LRP1: variants seen among roughly 807,000 people sequenced by gnomAD.
LRP1 encodes the protein prolow-density lipoprotein receptor-related protein 1.
In LRP1, 51 loss-of-function variants were observed where a neutral mutation model predicts 541.5. The observed-to-expected ratio is 0.09, with a 90% CI of 0.08 to 0.12. The LOEUF is 0.12. LRP1 is among the 10% of genes least tolerant of loss of function. The pLI is 1.00. For missense variants in LRP1, 3,878 were observed against 6,376.2 expected (o/e 0.61, Z 13.34); for synonymous variants, 2,219 against 2,470.8 (o/e 0.90, Z 3.02).
intron 30 of LRP1, 24 bp from the exon 31 acceptor site, chr12:57,180,023 T>C: frequency 6.2e-7 from 1 of 1,613,440 alleles, no homozygotes; most frequent in Non-Finnish European, 8.5e-7. Context: ...CCCTGACCTT[T>C]CCCTCTTGGC....
Position 57,175,977 on chromosome 12 carries a change from G to T in LRP1, c.3862G>T (p.Asp1288Tyr). The change falls in exon 24 of 89, where the codon GAC becomes TAC. Residue 1288 changes from aspartate to tyrosine, a missense_variant. Around this residue, in one of 13 missense-constraint regions of LRP1, gnomAD observed 320 missense variants for 547.9 expected, o/e 0.58. Transcript: ENST00000243077. ...CCGGCGCATCGATCTTCACAAAGGAGACTACAGCGTCCTGGTGCCCGGCCT... is the reference window on the plus strand; with the variant it reads ...CCGGCGCATCGATCTTCACAAAGGATACTACAGCGTCCTGGTGCCCGGCCT... ...EIRRIDLHKG[D>Y]YSVLVPGLRN... is the part of the protein sequence containing the mutation. The T allele has an allele frequency of 4.3e-6, 7 of 1,614,242 alleles. No homozygotes were observed. The highest frequency in any genetic ancestry group is 5.9e-6 in the Non-Finnish European group (7 of 1,180,046).
intron 79 of LRP1, 81 bp downstream of exon 79, chr12:57,209,280 C>T: frequency 9.3e-7 from 1 of 1,080,456 alleles, no homozygotes; most frequent in Non-Finnish European, 1.4e-6. Flanking sequence ...GGCCTCACTT[C>T]AATGCCTCCC....
rs1022211497 is a variant in LRP1, at chr12:57,178,315, G to A, written c.4362-44G>A. On this transcript the variant is annotated intron_variant, in intron 26 of 88. Coordinates refer to ENST00000243077, the MANE Select transcript of LRP1 (RefSeq NM_002332.3). The surrounding 1 kb of genome is among the most constrained non-coding windows in gnomAD (Gnocchi z 5.8). ...GCACCTGGGCAGAGCTCTGAGGGCT[G>A]AGATCCCAGCTGGCATCCTCATTCT... 1 of 1,586,178 alleles carries A rather than the reference G, an allele frequency of 6.3e-7. No homozygotes were observed. Among genetic ancestry groups the A allele is most frequent in the Non-Finnish European group, 8.6e-7 (1 of 1,164,058 alleles).
In LRP1 at chr12:57,208,229, C is replaced by CCTG; in HGVS notation, c.12038+14_12038+16dup. 1.2e-6 allele frequency: 2 copies of CCTG among 1,610,956 alleles called. No homozygotes were observed. The highest frequency in any genetic ancestry group is 1.7e-6 in the Non-Finnish European group (2 of 1,178,598). On this transcript the variant is annotated intron_variant, in intron 77 of 88. Transcript: ENST00000243077. ...ACCCACTGAGGGGGTGGGCAAGGGC[C>CCTG]CTGGGGGGAGGCCTCTGGGCTGGTG...
At position 57,177,231 on chromosome 12, in the gene LRP1, G is replaced by A; in HGVS notation, c.4182G>A (p.Leu1394=). The A allele has an allele frequency of 1.2e-6, 2 of 1,614,092 alleles. No homozygotes were observed. The highest frequency in any genetic ancestry group is 2.2e-5 in the East Asian group (1 of 44,882). ...TTGAGCACCCAAGGGCAATCGCACT[G>A]GATCCCCGGGATGGGTGAGGACCTT... ...GDIEHPRAIA[L]DPRDGILFWT... The change falls in exon 25 of 89, where the codon CTG becomes CTA. Residue 1394 remains leucine (L), a synonymous_variant. Coordinates refer to ENST00000243077, the MANE Select transcript of LRP1 (RefSeq NM_002332.3). This position sits in a 1 kb window ranked among gnomAD's most constrained non-coding sequence, Gnocchi z 6.8.
At position 57,178,246 on chromosome 12, in the gene LRP1, C is replaced by T; in HGVS notation, c.4362-113C>T. ...CAAGGCTTAGGGGAGGGAATGGTCC[C>T]ATGCTCTTCGCTGGGAGGGCTGTGG... On this transcript the variant is annotated intron_variant, in intron 26 of 88. Transcript: ENST00000243077. The surrounding 1 kb of genome is among the most constrained non-coding windows in gnomAD (Gnocchi z 5.8). 2 of 1,290,330 alleles carry T rather than the reference C, an allele frequency of 1.5e-6. No individual in the cohort carries two copies. Among genetic ancestry groups the T allele is most frequent in the Non-Finnish European group, 2.2e-6 (2 of 929,840 alleles). The allele number at this position is 1,290,330 out of a possible 1,614,324, so 79.9% of individuals were successfully genotyped here. A position where few individuals can be genotyped will look rare whatever the true frequency, so the allele number is the denominator to read the frequency against.
Position 57,208,973 on chromosome 12 carries a change from G to A in LRP1, c.12146-110G>A, listed in dbSNP as rs1297119708. On this transcript the variant is annotated intron_variant, in intron 78 of 88. Coordinates refer to ENST00000243077, the MANE Select transcript of LRP1 (RefSeq NM_002332.3). The stretch of plus-strand genomic sequence containing the variant: ...GAGGCTTTTCCCGAAAGAGGTGACT[G>A]TGAGTGGCGTATGAACAGGGTGGAG... The A allele has an allele frequency of 2.8e-6, 3 of 1,066,596 alleles. No homozygotes were observed. The African/African-American group carries it at 4.7e-5, about 17-fold the overall frequency. The allele number at this position is 1,066,596 out of a possible 1,614,324, so 66.1% of individuals were successfully genotyped here.
At position 57,204,724 on chromosome 12, in the gene LRP1, G is replaced by A. The variant is rs773376517; in HGVS notation, c.11169G>A (p.Gly3723=). 6.8e-6 allele frequency: 11 copies of A among 1,613,952 alleles called. No homozygotes were observed. Among genetic ancestry groups the A allele is most frequent in the Non-Finnish European group, 9.3e-6 (11 of 1,180,016 alleles). The change falls in exon 72 of 89, where the codon GGG becomes GGA. Residue 3723 remains glycine (G), a synonymous_variant. Coordinates refer to ENST00000243077, the MANE Select transcript of LRP1 (RefSeq NM_002332.3). This position sits in a 1 kb window ranked among gnomAD's most constrained non-coding sequence, Gnocchi z 5.3. The part of the protein sequence containing the change: ...GRQCDGTDNC[G]DGTDEEDCEP... ...AATGCGATGGCACGGACAACTGTGGGGATGGGACTGATGAAGAGGACTGTG... is the reference window on the plus strand; with the variant it reads ...AATGCGATGGCACGGACAACTGTGGAGATGGGACTGATGAAGAGGACTGTG...
intron 3 of LRP1, 110 bp downstream of exon 3, chr12:57,141,621 C>G: frequency 7.3e-7 from 1 of 1,372,444 alleles, no homozygotes; most frequent in South Asian, 1.3e-5. Context: ...TGTCCTGGTC[C>G]CCTGCCTAGA....
In LRP1 at chr12:57,154,143, A is replaced by G; in HGVS notation, c.842-65A>G. The G allele has an allele frequency of 6.6e-7, 1 of 1,507,248 alleles. No homozygotes were observed. Among genetic ancestry groups the G allele is most frequent in the Non-Finnish European group, 9.1e-7 (1 of 1,097,640 alleles). The allele number at this position is 1,507,248 out of a possible 1,614,324, so 93.4% of individuals were successfully genotyped here. Reference sequence around the variant, plus strand: ...CTTCCAGGTGTGGGTTCTCACCAGCAAAGGGTGGGCATCTCTGCAAGAGGG... The same window carrying G: ...CTTCCAGGTGTGGGTTCTCACCAGCGAAGGGTGGGCATCTCTGCAAGAGGG... On this transcript the variant is annotated intron_variant, in intron 6 of 88. Coordinates refer to ENST00000243077, the MANE Select transcript of LRP1 (RefSeq NM_002332.3). This position sits in a 1 kb window ranked among gnomAD's most constrained non-coding sequence, Gnocchi z 4.6.
At position 57,185,209 on chromosome 12, in the gene LRP1, A is replaced by G; in HGVS notation, c.6463+4A>G. ...TTCAACCGGGACCGGCAGAAAGGTG[A>G]GGCTGGGGCTCTGGGCTGGGGTGGA... On this transcript the variant is annotated splice_donor_region_variant and intron_variant, in intron 40 of 88. Coordinates refer to ENST00000243077, the MANE Select transcript of LRP1 (RefSeq NM_002332.3). The surrounding 1 kb of genome is among the most constrained non-coding windows in gnomAD (Gnocchi z 4.9). 1 of 1,614,034 alleles carries G rather than the reference A, an allele frequency of 6.2e-7. No individual in the cohort carries two copies. Among genetic ancestry groups the G allele is most frequent in the Non-Finnish European group, 8.5e-7 (1 of 1,179,976 alleles).
intron 42 of LRP1, among the ~76,000 whole-genome samples, chr12:57,190,483 A>AAC (rs2036355441): frequency 6.6e-6 from 1 of 152,206 alleles, no homozygotes; most frequent in African/African-American, 2.4e-5. Context: ...TGGGTGGTGG[A>AAC]GCCAGGGCTG....
intron 1 of LRP1, among the ~76,000 whole-genome samples, chr12:57,131,434 C>T (rs2035037615): frequency 1.3e-5 from 2 of 152,172 alleles, no homozygotes; most frequent in East Asian, 1.9e-4. Context: ...CAGACAAATA[C>T]AGCTCACAGA....
Position 57,212,296 on chromosome 12 carries a change from A to G in LRP1, c.13494+35A>G. 2 of 1,612,104 alleles carry G rather than the reference A, an allele frequency of 1.2e-6. No individual in the cohort carries two copies. The highest frequency in any genetic ancestry group is 1.7e-6 in the Non-Finnish European group (2 of 1,178,886). On this transcript the variant is annotated intron_variant, in intron 88 of 88. Coordinates refer to ENST00000243077, the MANE Select transcript of LRP1 (RefSeq NM_002332.3). The surrounding 1 kb of genome is among the most constrained non-coding windows in gnomAD (Gnocchi z 5.0). ...GAGGCGGGCAGGGTCGAGTGCCAAG[A>G]GGCCGTGGGTGGCCTAACCAAAGGT...
intron 20 of LRP1, among the ~76,000 whole-genome samples, chr12:57,171,382 C>T (rs1448939167): frequency 6.6e-6 from 1 of 152,046 alleles, no homozygotes; most frequent in Non-Finnish European, 1.5e-5. Flanking sequence ...TGGCATGGTC[C>T]GGAGAATGCT....
At chr12:57,191,909 C>CA (rs1256279319) in intron 44 of LRP1, among the ~76,000 whole-genome samples, 2 of 980 alleles carry the variant, frequency 2.0e-3, no homozygotes, top group African/African-American at 6.7e-3. Context: ...CATACACACA[C>CA]CACCACACAC....
rs1381865266 is a variant in LRP1 at position 57,162,448 on chromosome 12, T to C, written c.2334T>C (p.Thr778=). ...GGGGTGTAGGAGGCGCACCCCCCAC[T>C]GTGACCCTTCTGCGCAGTGAGCGGC... ...LERGVGGAPP[T]VTLLRSERPP... is the part of the protein sequence containing the mutation. Residue 778 remains threonine, a synonymous_variant, in exon 14 of 89, where the codon ACT becomes ACC. Coordinates refer to ENST00000243077, the MANE Select transcript of LRP1 (RefSeq NM_002332.3). The surrounding 1 kb of genome is among the most constrained non-coding windows in gnomAD (Gnocchi z 5.2). The C allele has an allele frequency of 1.4e-5, 22 of 1,614,086 alleles. No homozygotes were observed. Among genetic ancestry groups the C allele is most frequent in the Non-Finnish European group, 1.8e-5 (21 of 1,180,004 alleles).
At position 57,197,188 on chromosome 12, in the gene LRP1, A is replaced by G. The variant is rs2036553518; in HGVS notation, c.9076+23A>G. 2 of 1,613,936 alleles carry G rather than the reference A, an allele frequency of 1.2e-6. No homozygotes were observed. The highest frequency in any genetic ancestry group is 1.7e-6 in the Non-Finnish European group (2 of 1,179,998). ...CTGGTGAGATGCGCGCTTGGAGGGC[A>G]TGAGGTGACCCAGGCTGTGTGGGAC... On this transcript the variant is annotated intron_variant, in intron 56 of 88. Transcript: ENST00000243077. The surrounding 1 kb of genome is among the most constrained non-coding windows in gnomAD (Gnocchi z 4.5).
At chr12:57,146,170 C>T (rs1276299753) in intron 6 of LRP1, among the ~76,000 whole-genome samples, 1 of 152,040 alleles carries the variant, frequency 6.6e-6, no homozygotes, top group Non-Finnish European at 1.5e-5. Flanking sequence ...GGTGTAGACC[C>T]ACTGCCGGGA....
Sources: gnomAD v4.1 joint callset for allele counts (sites outside exome capture counted in the v4.1 genomes callset) on GRCh38, gnomAD v4.1.1 for gene constraint, gnomAD v4.1.1 regional missense constraint, Gnocchi (gnomAD v3.1) non-coding constraint, MANE v1.5 for transcripts, NCBI Gene and HGNC (gene_info 2026-07-23, HGNC 2026-07-21) for gene names.